CCSER1: variants seen among roughly 807,000 people sequenced by gnomAD.
The protein encoded by CCSER1 is coiled-coil serine rich protein 1.
A neutral mutation model predicts 82.0 loss-of-function variants in CCSER1; 41 were observed. That is an observed-to-expected ratio of 0.50 (90% confidence interval 0.39 to 0.65). The LOEUF is 0.65. Ranked by LOEUF, CCSER1 falls within the 30% of genes least tolerant of loss-of-function variation. CCSER1 has a pLI of 0.00. For missense variants in CCSER1, 1,119 were observed against 1,064.2 expected, an observed-to-expected ratio of 1.05 and a Z score of -0.72; for synonymous variants, 414 against 383.9, an observed-to-expected ratio of 1.08 and a Z score of -0.92.
chr4:91,164,070 G>T (rs1731753762), intron 10 of CCSER1, among the ~76,000 whole-genome samples: 1 of 152,188 alleles, frequency 6.6e-6, no homozygotes, highest in Non-Finnish European at 1.5e-5. Context: ...GCTGGTACCA[G>T]TTGTTCCTTT....
chr4:90,170,665 T>A (rs1474158938), intron 1 of CCSER1, among the ~76,000 whole-genome samples: 2 of 151,930 alleles, frequency 1.3e-5, no homozygotes, highest in Non-Finnish European at 2.9e-5. Flanking sequence ...CATAATGACC[T>A]CTAGTTCCGT....
intron 6 of CCSER1, among the ~76,000 whole-genome samples, chr4:90,635,879 C>A (rs1207147313): frequency 6.6e-6 from 1 of 151,424 alleles, no homozygotes; most frequent in African/African-American, 2.4e-5. Context: ...CACATGCACC[C>A]AAAAATATGT....
chr4:90,711,120 G>A (rs1209926897), intron 6 of CCSER1, among the ~76,000 whole-genome samples: 1 of 151,904 alleles, frequency 6.6e-6, no homozygotes, highest in African/African-American at 2.4e-5. Flanking sequence ...TTCATGATTT[G>A]GCTCCCTGCT....
intron 10 of CCSER1, among the ~76,000 whole-genome samples, chr4:91,283,681 T>C (rs1033231781): frequency 3.9e-5 from 6 of 152,144 alleles, no homozygotes; most frequent in African/African-American, 1.4e-4. Flanking sequence ...TCATAGGACT[T>C]ATTTGATAAA....
chr4:90,268,127 G>T (rs1021927562), intron 1 of CCSER1, among the ~76,000 whole-genome samples: 2 of 152,168 alleles, frequency 1.3e-5, no homozygotes, highest in Admixed American at 6.5e-5. Context: ...ATTAATACCA[G>T]ATCTGTTGTA....
In CCSER1 at chr4:91,134,953, G is replaced by A. The variant is rs570558677; in HGVS notation, c.2217+48959G>A. Among the ~76,000 whole-genome samples, 291 of 151,928 alleles carry A rather than the reference G, an allele frequency of 1.9e-3. 1 individual carries two copies. Among genetic ancestry groups the A allele is most frequent in the Non-Finnish European group, 2.7e-3 (185 of 67,938 alleles). ...CGCATGCTTGTAGTCCCAGCTACTC[G>A]GGAGGCTGAGGCAGGAGAATCGCGT... On this transcript the variant is annotated intron_variant, in intron 10 of 10. Transcript: ENST00000509176.
chr4:90,594,688 T>G (rs1028881644), intron 5 of CCSER1, among the ~76,000 whole-genome samples: 1 of 152,146 alleles, frequency 6.6e-6, no homozygotes, highest in East Asian at 1.9e-4. Context: ...AGACCATCCT[T>G]GTGAACAACA....
chr4:91,190,864 G>C lies in CCSER1; in HGVS notation c.2217+104870G>C, dbSNP rs1442036600. Among the ~76,000 whole-genome samples the C allele has an allele frequency of 8.5e-5, 13 of 152,184 alleles. 1 individual carries two copies. The South Asian group carries it at 2.3e-3, about 27-fold the overall frequency. On this transcript the variant is annotated intron_variant, in intron 10 of 10. Transcript: ENST00000509176. ...ATCCTTAAAAGGAATCTTGGAATTA[G>C]GTAAAACTTGGTTTGAACTTAACTT...
intron 9 of CCSER1, among the ~76,000 whole-genome samples, chr4:90,931,305 T>A (rs1729779537): frequency 6.6e-6 from 1 of 151,970 alleles, no homozygotes; most frequent in Non-Finnish European, 1.5e-5. Context: ...TAAGAATTAC[T>A]GGGAATCATC....
At chr4:91,407,093 C>A (rs1752747173) in intron 10 of CCSER1, among the ~76,000 whole-genome samples, 1 of 152,068 alleles carries the variant, frequency 6.6e-6, no homozygotes, top group Non-Finnish European at 1.5e-5. Context: ...GTTTTCAGAG[C>A]AGTTTCATAT....
chr4:91,438,473 A>T lies in CCSER1; in HGVS notation c.2218-160099A>T, dbSNP rs370772288. ...AACAGAAAGGACATCCACACCAAAAACCCATCTGTACATCACCATCATCAA... is the reference window on the plus strand; with the variant it reads ...AACAGAAAGGACATCCACACCAAAATCCCATCTGTACATCACCATCATCAA... On this transcript the variant is annotated intron_variant, in intron 10 of 10. Coordinates refer to ENST00000509176, the MANE Select transcript of CCSER1 (RefSeq NM_001145065.2). Among the ~76,000 whole-genome samples, 17 of 152,134 alleles carry T rather than the reference A, an allele frequency of 1.1e-4. No homozygotes were observed. In the East Asian group the frequency reaches 3.1e-3, roughly 28 times the overall value.
intron 6 of CCSER1, among the ~76,000 whole-genome samples, chr4:90,641,034 A>G (rs970938516): frequency 6.6e-6 from 1 of 152,142 alleles, no homozygotes; most frequent in Non-Finnish European, 1.5e-5. Context: ...CTCCGTGGAA[A>G]TCTGGTCTCT....
chr4:90,459,671 C>A (rs2153582722), intron 4 of CCSER1, among the ~76,000 whole-genome samples: 1 of 152,156 alleles, frequency 6.6e-6, no homozygotes, highest in East Asian at 1.9e-4. Context: ...CTTAAAAGGG[C>A]ACCAGTCGTA....
In CCSER1 at chr4:90,756,191, G is replaced by A. The variant is rs151060775; in HGVS notation, c.2010+32200G>A. 4.7e-3 allele frequency among the ~76,000 whole-genome samples: 713 copies of A among 152,232 alleles called. 13 individuals carry two copies. In the East Asian group the frequency reaches 0.047, roughly 10 times the overall value. On this transcript the variant is annotated intron_variant, in intron 7 of 10. Coordinates refer to ENST00000509176, the MANE Select transcript of CCSER1 (RefSeq NM_001145065.2). ...TGCAGTGAGCTGAGATCGTTCTACT[G>A]CACTCCAGCCTGGGTGACAGAGCGA...
intron 1 of CCSER1, among the ~76,000 whole-genome samples, chr4:90,189,628 C>G (rs1735260798): frequency 6.6e-6 from 1 of 151,438 alleles, no homozygotes; most frequent in Non-Finnish European, 1.5e-5. Context: ...TTTTTCTTAT[C>G]CTGTTATATC....
At chr4:90,865,606 T>A (rs1218103173) in intron 8 of CCSER1, among the ~76,000 whole-genome samples, 1 of 152,044 alleles carries the variant, frequency 6.6e-6, no homozygotes, top group African/African-American at 2.4e-5. Flanking sequence ...ATCAGTAAAG[T>A]AATTCATTTT....
chr4:91,562,968 C>T (rs1354368374), intron 10 of CCSER1, among the ~76,000 whole-genome samples: 1 of 151,256 alleles, frequency 6.6e-6, no homozygotes, highest in African/African-American at 2.4e-5. Flanking sequence ...ATGCCAAACT[C>T]AATATATGTG....
At chr4:90,467,207 A>G (rs551253564) in intron 4 of CCSER1, among the ~76,000 whole-genome samples, 1 of 152,226 alleles carries the variant, frequency 6.6e-6, no homozygotes, top group African/African-American at 2.4e-5. Context: ...CAACATGGTG[A>G]AACCCCGTCT....
At chr4:90,608,781 A>C (rs76684048) in intron 5 of CCSER1, among the ~76,000 whole-genome samples, 3,086 of 151,596 alleles carry the variant, frequency 0.02, 48 homozygotes, top group South Asian at 0.032. Flanking sequence ...ATTTCTTCTT[A>C]TTTTATTTCA....
Sources: gnomAD v4.1 joint callset for allele counts (sites outside exome capture counted in the v4.1 genomes callset) on GRCh38, gnomAD v4.1.1 for gene constraint, MANE v1.5 for transcripts, NCBI Gene and HGNC (gene_info 2026-07-23, HGNC 2026-07-21) for gene names.